MEI1: variants seen among roughly 807,000 people sequenced by gnomAD.
MEI1 encodes the protein meiotic double-stranded break formation protein 1.
In MEI1, 103 loss-of-function variants were observed where a neutral mutation model predicts 146.2. The observed-to-expected ratio is 0.70, with a 90% confidence interval of 0.60 to 0.83. The LOEUF is 0.83. MEI1 is among the 40% of genes least tolerant of loss of function. The pLI, the probability that MEI1 is intolerant of heterozygous loss-of-function variation, is 0.00. For missense variants in MEI1, 1,529 were observed against 1,533.0 expected, an observed-to-expected ratio of 1.00 and a Z score of 0.04; for synonymous variants, 652 against 628.2, an observed-to-expected ratio of 1.04 and a Z score of -0.57.
chr22:41,789,072 G>C (rs1024831308), intron 26 of MEI1, among the ~76,000 whole-genome samples: 1 of 152,160 alleles, frequency 6.6e-6, no homozygotes, highest in Admixed American at 6.6e-5. Context: ...TCAGCACTTT[G>C]GGAGCCAAGA....
At chr22:41,793,989 C>G (rs911096001) in intron 27 of MEI1, 79 bp downstream of exon 27, 3 of 1,272,072 alleles carry the variant, frequency 2.4e-6, no homozygotes, top group African/African-American at 1.5e-5. Flanking sequence ...CCTGCTCCAG[C>G]CTTCCATTCC....
At chr22:41,744,871 C>CA (rs1052826838) in intron 12 of MEI1, 102 bp from the exon 13 acceptor site, 5 of 535,482 alleles carry the variant, frequency 9.3e-6, no homozygotes, top group Non-Finnish European at 1.5e-5. Flanking sequence ...ATGGGAATGT[C>CA]AGACTGCAGT....
intron 12 of MEI1, among the ~76,000 whole-genome samples, chr22:41,744,262 C>A (rs890911149): frequency 1.3e-5 from 2 of 151,972 alleles, no homozygotes; most frequent in Non-Finnish European, 2.9e-5. Flanking sequence ...CCTTCGCCTC[C>A]GGGGTTCAAG....
rs1479372810 is a variant in MEI1, at chr22:41,703,430, A to G, written c.274A>G (p.Ile92Val). 1 of 1,603,346 alleles carries G rather than the reference A, an allele frequency of 6.2e-7. No individual in the cohort carries two copies. The highest frequency in any genetic ancestry group is 8.5e-7 in the Non-Finnish European group (1 of 1,174,782). ...QLVSQDQRVCIHFISVLFGLL... is the reference protein window; with the variant it reads ...QLVSQDQRVCVHFISVLFGLL... Reference sequence around the variant, plus strand: ...GGTGTCTCAGGATCAGAGAGTCTGCATCCACTTCATAAGTGTGCTTTTTGG... The same window carrying G: ...GGTGTCTCAGGATCAGAGAGTCTGCGTCCACTTCATAAGTGTGCTTTTTGG... The change falls in exon 2 of 31, where the codon ATC becomes GTC. Residue 92 changes from isoleucine (I) to valine (V), a missense_variant. By Grantham distance (29) the Ile-to-Val change is conservative. This residue lies in a region of MEI1 where 1,212 missense variants were observed against 1,178.9 expected (regional missense o/e 1.03). Transcript: ENST00000401548.
chr22:41,723,315 C>T (rs942400363), intron 6 of MEI1, among the ~76,000 whole-genome samples: 11 of 151,966 alleles, frequency 7.2e-5, no homozygotes, highest in East Asian at 1.9e-4. Flanking sequence ...TGGGTTCAAG[C>T]GATTCTCCTG....
At chr22:41,730,959 C>T (rs1362383637) in intron 9 of MEI1, among the ~76,000 whole-genome samples, 1 of 152,072 alleles carries the variant, frequency 6.6e-6, no homozygotes, top group Non-Finnish European at 1.5e-5. Context: ...AGTTCTTTCC[C>T]ATGCCGCAGA....
intron 3 of MEI1, among the ~76,000 whole-genome samples, chr22:41,710,768 A>G (rs936311334): frequency 4.6e-5 from 7 of 152,222 alleles, no homozygotes; most frequent in Non-Finnish European, 1.0e-4. Context: ...TGGCAGAAGT[A>G]TCATGGTTTG....
chr22:41,763,943 C>CTTTTTTTTTTTT (rs71184839), intron 19 of MEI1, among the ~76,000 whole-genome samples: 1 of 91,556 alleles, frequency 1.1e-5, no homozygotes, highest in Non-Finnish European at 2.2e-5. Context: ...GGGAAGTTTC[C>CTTTTTTTTTTTT]TTTTTTTTTT....
intron 18 of MEI1, among the ~76,000 whole-genome samples, chr22:41,761,499 A>G (rs936509948): frequency 6.6e-6 from 1 of 151,908 alleles, no homozygotes; most frequent in African/African-American, 2.4e-5. Context: ...TATTTTTAGT[A>G]TAGACGGAGT....
Position 41,718,251 on chromosome 22 carries a change from A to G in MEI1, c.710A>G (p.Lys237Arg). The G allele has an allele frequency of 1.2e-6, 2 of 1,613,938 alleles. No individual in the cohort carries two copies. The highest frequency in any genetic ancestry group is 2.2e-5 in the South Asian group (2 of 91,060). The change falls in exon 6 of 31, where the codon AAG becomes AGG. Residue 237 changes from lysine (K) to arginine (R), a missense_variant. This residue lies in a region of MEI1 where 1,212 missense variants were observed against 1,178.9 expected (regional missense o/e 1.03). Coordinates refer to ENST00000401548, the MANE Select transcript of MEI1 (RefSeq NM_152513.4). ...FLSILDGAQT[K>R]ELQINCLGLL... ...TCCATCCTGGATGGTGCCCAGACAA[A>G]GGAGCTGCAGATTAACTGCTTGGGT... is the stretch of plus-strand genomic sequence containing the variant.
Position 41,736,083 on chromosome 22 carries a change from G to A in MEI1, c.1331+3480G>A, listed in dbSNP as rs888527707. Reference sequence around the variant, plus strand: ...ACACTCCCTTTGGAGCTTCTAATACGGAACACTTCCCTGCCTCTTCCAGCT... The same window carrying A: ...ACACTCCCTTTGGAGCTTCTAATACAGAACACTTCCCTGCCTCTTCCAGCT... On this transcript the variant is annotated intron_variant, in intron 11 of 30. Transcript: ENST00000401548. 2.6e-5 allele frequency among the ~76,000 whole-genome samples: 4 copies of A among 152,136 alleles called. No homozygotes were observed. In the South Asian group the frequency reaches 6.2e-4, roughly 24 times the overall value.
At chr22:41,743,927 A>G (rs1226539654) in intron 12 of MEI1, among the ~76,000 whole-genome samples, 3 of 151,410 alleles carry the variant, frequency 2.0e-5, no homozygotes, top group Non-Finnish European at 4.4e-5. Context: ...CCCAGTCTGG[A>G]GTGCAGTGGC....
At chr22:41,793,255 C>T (rs956206582) in intron 26 of MEI1, among the ~76,000 whole-genome samples, 1 of 151,886 alleles carries the variant, frequency 6.6e-6, no homozygotes, top group African/African-American at 2.4e-5. Flanking sequence ...CCAGGCTGAA[C>T]TCCTGACCTC....
At chr22:41,773,695 G>A (rs1360114381) in intron 20 of MEI1, among the ~76,000 whole-genome samples, 2 of 151,944 alleles carry the variant, frequency 1.3e-5, no homozygotes, top group African/African-American at 4.8e-5. Flanking sequence ...TCAACATGGT[G>A]AAACCCTGTC....
Position 41,703,372 on chromosome 22 carries a change from C to T in MEI1, c.216C>T (p.Ala72=), listed in dbSNP as rs1405435604. The T allele has an allele frequency of 2.5e-6, 4 of 1,612,216 alleles. No homozygotes were observed. The Admixed American group carries it at 5.0e-5, about 20-fold the overall frequency. ...ACATGTTGTCCTGCTTCCAAGATGC[C>T]CTTGTGAGGCATACCTCCCTGGTCA... ...KKHMLSCFQD[A]LVRHTSLVTQ... is the part of the protein sequence containing the mutation. The change falls in exon 2 of 31, where the codon GCC becomes GCT. Residue 72 remains alanine, a synonymous_variant. Coordinates refer to ENST00000401548, the MANE Select transcript of MEI1 (RefSeq NM_152513.4).
intron 21 of MEI1, 57 bp from the exon 22 acceptor site, chr22:41,778,651 G>C (rs1309945603): frequency 3.6e-6 from 5 of 1,388,286 alleles, no homozygotes; most frequent in Non-Finnish European, 5.0e-6. Flanking sequence ...CAGGGTGTCT[G>C]ACCTTCAGGT....
At position 41,730,589 on chromosome 22, in the gene MEI1, C is replaced by T. The variant is rs771776312; in HGVS notation, c.1048C>T (p.Leu350Phe). ...LVWSSCNCLTLLVEEPLFFSK... is the reference protein window; with the variant it reads ...LVWSSCNCLTFLVEEPLFFSK... The stretch of plus-strand genomic sequence containing the variant: ...CTGGTCCAGCTGTAACTGCTTGACA[C>T]TCCTGGTAGAAGAGCCACTCTTTTT... The change falls in exon 9 of 31, where the codon CTC (leucine) becomes TTC (phenylalanine). Residue 350 changes from leucine to phenylalanine, a missense_variant. By Grantham distance (22) the Leu-to-Phe change is conservative. Transcript: ENST00000401548. The T allele has an allele frequency of 1.2e-6, 2 of 1,613,746 alleles. No homozygotes were observed. The highest frequency in any genetic ancestry group is 1.3e-5 in the African/African-American group (1 of 74,904).
chr22:41,728,471 G>A (rs1227311533), intron 7 of MEI1, among the ~76,000 whole-genome samples: 1 of 152,236 alleles, frequency 6.6e-6, no homozygotes, highest in East Asian at 1.9e-4. Flanking sequence ...GGGCACAGTG[G>A]CTCATGCCTG....
rs2076497115 is a variant in MEI1, at chr22:41,799,443, G to T, written c.*144G>T. The T allele has an allele frequency of 2.6e-6, 2 of 759,430 alleles. No individual in the cohort carries two copies. The highest frequency in any genetic ancestry group is 4.3e-6 in the Non-Finnish European group (2 of 464,484). The allele number at this position is 759,430 out of a possible 1,614,324, so 47.0% of individuals were successfully genotyped here. On this transcript the variant is annotated 3_prime_UTR_variant, in exon 31 of 31. Coordinates refer to ENST00000401548, the MANE Select transcript of MEI1 (RefSeq NM_152513.4). ...TTGAAATAGAATAAGGAAATAAAAT[G>T]ATACACTCACATACCTGCGCGAGCT... is the stretch of plus-strand genomic sequence containing the variant.
Sources: allele counts gnomAD v4.1 joint callset (sites outside exome capture counted in the v4.1 genomes callset), GRCh38; gene constraint gnomAD v4.1.1; regional missense constraint gnomAD v4.1.1; transcripts MANE v1.5; gene names NCBI Gene and HGNC (gene_info 2026-07-23, HGNC 2026-07-21).